Variants in OCA2 observed in about 807,000 individuals in gnomAD.
The protein encoded by OCA2 is P protein.
In OCA2, 77 loss-of-function variants were observed where a neutral mutation model predicts 100.2. That is an observed-to-expected ratio of 0.77 (90% CI 0.64 to 0.93). OCA2 has a LOEUF of 0.93. Ranked by LOEUF, OCA2 falls within the 40% of genes least tolerant of loss-of-function variation. The probability of loss-of-function intolerance (pLI) is 0.00; values close to 1 mark genes in which losing one functional copy is unlikely to be tolerated. For missense variants in OCA2, 1,062 were observed against 1,089.1 expected (o/e 0.98, Z 0.35); for synonymous variants, 432 against 439.2 (o/e 0.98, Z 0.21).
chr15:28,071,904 T>C (rs1308412100), intron 2 of OCA2, among the ~76,000 whole-genome samples: 2 of 152,124 alleles, frequency 1.3e-5, no homozygotes, highest in Non-Finnish European at 2.9e-5. Flanking sequence ...GCAACAAAAA[T>C]TGACAAGTGG....
intron 18 of OCA2, among the ~76,000 whole-genome samples, chr15:27,931,998 T>C (rs2039268737): frequency 6.6e-6 from 1 of 152,190 alleles, no homozygotes; most frequent in African/African-American, 2.4e-5. Context: ...GGGATACAGA[T>C]GGGAATGTAA....
At chr15:28,046,851 G>A (rs1411526445) in intron 2 of OCA2, among the ~76,000 whole-genome samples, 1 of 152,144 alleles carries the variant, frequency 6.6e-6, no homozygotes, top group Non-Finnish European at 1.5e-5. Context: ...CCACAAGCCT[G>A]GCTTTACTCT....
intron 19 of OCA2, among the ~76,000 whole-genome samples, chr15:27,894,536 G>T (rs2037604723): frequency 6.6e-6 from 1 of 152,182 alleles, no homozygotes; most frequent in Non-Finnish European, 1.5e-5. Flanking sequence ...GCTAAACCTG[G>T]TGACCTTTTC....
chr15:28,060,458 G>A (rs184078637), intron 2 of OCA2, among the ~76,000 whole-genome samples: 55 of 152,354 alleles, frequency 3.6e-4, no homozygotes, highest in African/African-American at 1.2e-3. Flanking sequence ...GGATAGAAAA[G>A]CACTTCCACT....
intron 23 of OCA2, among the ~76,000 whole-genome samples, chr15:27,769,279 A>T (rs989175395): frequency 6.6e-6 from 1 of 152,230 alleles, no homozygotes; most frequent in Non-Finnish European, 1.5e-5. Context: ...CACACGTCAG[A>T]TGGACGCCCA....
At position 27,755,435 on chromosome 15, in the gene OCA2, C is replaced by T; in HGVS notation, c.2470G>A (p.Gly824Arg). The change falls in exon 24 of 24, where the codon GGG becomes AGG. Residue 824 changes from glycine to arginine, a missense_variant. Physicochemically the swap from Gly to Arg is moderately radical, Grantham distance 125 (BLOSUM62 -2). Coordinates refer to ENST00000354638, the MANE Select transcript of OCA2 (RefSeq NM_000275.3). ...FPMMVVSCTV[G>R]MCYLLVAHVV... Reference sequence around the variant, plus strand: ...TGAGCCACAAGGAGATAACACATCCCAACAGTGCAGGACACAACCATCATT... The same window carrying T: ...TGAGCCACAAGGAGATAACACATCCTAACAGTGCAGGACACAACCATCATT... 1 of 1,613,912 alleles carries T rather than the reference C, an allele frequency of 6.2e-7. No individual in the cohort carries two copies. Among genetic ancestry groups the T allele is most frequent in the Non-Finnish European group, 8.5e-7 (1 of 1,179,876 alleles).
At chr15:28,015,839 C>T (rs191495859) in intron 8 of OCA2, among the ~76,000 whole-genome samples, 10 of 152,316 alleles carry the variant, frequency 6.6e-5, no homozygotes, top group South Asian at 2.1e-4. Context: ...TACAGCTTCA[C>T]ATTAATGAAA....
chr15:28,051,281 T>C (rs945521532), intron 2 of OCA2, among the ~76,000 whole-genome samples: 1 of 152,134 alleles, frequency 6.6e-6, no homozygotes, highest in Non-Finnish European at 1.5e-5. Flanking sequence ...CATTTCCCTT[T>C]ATGGTTTTGT....
chr15:28,082,176 C>A (rs1469921379), intron 1 of OCA2, among the ~76,000 whole-genome samples: 3 of 152,260 alleles, frequency 2.0e-5, no homozygotes, highest in Admixed American at 2.0e-4. Context: ...CACCAATCAG[C>A]AATCTATAAA....
intron 19 of OCA2, among the ~76,000 whole-genome samples, chr15:27,913,266 T>C (rs542958819): frequency 6.6e-6 from 1 of 152,202 alleles, no homozygotes; most frequent in Non-Finnish European, 1.5e-5. Context: ...TTAGGGGAAG[T>C]TGGGTGATGG....
intron 23 of OCA2, among the ~76,000 whole-genome samples, chr15:27,806,453 A>T (rs1379802053): frequency 6.6e-6 from 1 of 152,128 alleles, no homozygotes; most frequent in Admixed American, 6.5e-5. Flanking sequence ...GGGAATTCAG[A>T]CGTGAGCATA....
chr15:27,899,385 A>G (rs1015331218), intron 19 of OCA2, among the ~76,000 whole-genome samples: 2 of 152,218 alleles, frequency 1.3e-5, no homozygotes, highest in Non-Finnish European at 1.5e-5. Flanking sequence ...GAGAAGGGGA[A>G]ATTATTCTAA....
At chr15:27,845,262 T>C (rs2035488949) in intron 22 of OCA2, among the ~76,000 whole-genome samples, 1 of 152,182 alleles carries the variant, frequency 6.6e-6, no homozygotes, top group African/African-American at 2.4e-5. Context: ...GATTCATTTA[T>C]GGATAAGACC....
chr15:27,993,589 G>GA (rs1213820082), intron 9 of OCA2, among the ~76,000 whole-genome samples: 2 of 152,150 alleles, frequency 1.3e-5, no homozygotes, highest in African/African-American at 4.8e-5. Context: ...GCCCTCTCAG[G>GA]ACAGCTGGGC....
chr15:27,900,216 CA>C (rs922237635), intron 19 of OCA2, among the ~76,000 whole-genome samples: 10 of 152,050 alleles, frequency 6.6e-5, no homozygotes, highest in Non-Finnish European at 4.4e-5. Context: ...ATTATAATAG[CA>C]AAAAACATAC....
intron 23 of OCA2, among the ~76,000 whole-genome samples, chr15:27,761,178 A>G (rs561186388): frequency 3.4e-4 from 51 of 152,086 alleles, no homozygotes; most frequent in Middle Eastern, 3.4e-3. Context: ...AAAAAATCCT[A>G]AGAAATTGAA....
At chr15:27,807,097 C>T (rs1450476080) in intron 23 of OCA2, among the ~76,000 whole-genome samples, 1 of 14,330 alleles carries the variant, frequency 7.0e-5, no homozygotes, top group Non-Finnish European at 1.0e-4. Context: ...ACCCCCGGCC[C>T]GCCCACCTCT....
At position 27,862,298 on chromosome 15, in the gene OCA2, G is replaced by A. The variant is rs78055510; in HGVS notation, c.2244+8856C>T. Among the ~76,000 whole-genome samples the A allele has an allele frequency of 4.8e-4, 72 of 151,306 alleles. No individual in the cohort carries two copies. In the South Asian group the frequency reaches 0.014, roughly 30 times the overall value. ...TCAGCCTCAAGTCCTCACAGAAAGCGTGGTCATCAGCCTCGAGTCCTCACG... is the reference window on the plus strand; with the variant it reads ...TCAGCCTCAAGTCCTCACAGAAAGCATGGTCATCAGCCTCGAGTCCTCACG... On this transcript the variant is annotated intron_variant, in intron 21 of 23. Coordinates refer to ENST00000354638, the MANE Select transcript of OCA2 (RefSeq NM_000275.3).
chr15:27,826,526 T>C (rs2151294664), intron 23 of OCA2, among the ~76,000 whole-genome samples: 1 of 152,128 alleles, frequency 6.6e-6, no homozygotes, highest in East Asian at 1.9e-4. Context: ...CCCCCTCCTT[T>C]CCCCAGCTCC....
Sources: allele counts gnomAD v4.1 joint callset (sites outside exome capture counted in the v4.1 genomes callset), GRCh38; gene constraint gnomAD v4.1.1; transcripts MANE v1.5; gene names NCBI Gene and HGNC (gene_info 2026-07-23, HGNC 2026-07-21).